The following LDB2 variants were observed in gnomAD, a reference collection of about 807,000 sequenced individuals.
LDB2 encodes the protein LIM domain binding 2, also known as LIM domain-binding protein 2.
A neutral mutation model predicts 44.3 loss-of-function variants in LDB2; 12 were observed. That is an observed-to-expected ratio of 0.27 (90% CI 0.17 to 0.44). The LOEUF is 0.44. Ranked by LOEUF, LDB2 falls within the 20% of genes least tolerant of loss-of-function variation. The pLI is 1.00. For synonymous variants in LDB2, 164 were observed against 174.8 expected, an observed-to-expected ratio of 0.94 and a Z score of 0.49; for missense variants, 344 against 473.5, an observed-to-expected ratio of 0.73 and a Z score of 2.54.
intron 5 of LDB2, among the ~76,000 whole-genome samples, chr4:16,562,016 A>C (rs1260134902): frequency 6.6e-6 from 1 of 152,242 alleles, no homozygotes; most frequent in Non-Finnish European, 1.5e-5. Flanking sequence ...GGCTAGCCAT[A>C]TGTAGAAAGC....
At chr4:16,689,994 C>G (rs989304478) in intron 2 of LDB2, among the ~76,000 whole-genome samples, 1 of 152,172 alleles carries the variant, frequency 6.6e-6, no homozygotes, top group Non-Finnish European at 1.5e-5. Context: ...CAGAAGGAGG[C>G]TTCAGAAAGG....
At chr4:16,539,984 G>A (rs916831130) in intron 5 of LDB2, among the ~76,000 whole-genome samples, 1 of 152,140 alleles carries the variant, frequency 6.6e-6, no homozygotes, top group Non-Finnish European at 1.5e-5. Flanking sequence ...TTAACAGGAA[G>A]CATGACTAGG....
intron 2 of LDB2, among the ~76,000 whole-genome samples, chr4:16,686,428 C>A (rs186583009): frequency 2.6e-5 from 4 of 152,292 alleles, no homozygotes; most frequent in Admixed American, 6.5e-5. Context: ...AAGCAACTTG[C>A]CCAAAGACAA....
intron 1 of LDB2, among the ~76,000 whole-genome samples, chr4:16,788,759 G>A (rs1281716613): frequency 6.6e-6 from 1 of 152,180 alleles, no homozygotes; most frequent in Non-Finnish European, 1.5e-5. Flanking sequence ...GCCTTGCGTC[G>A]AATGACATTA....
At chr4:16,551,607 T>A (rs1737700665) in intron 5 of LDB2, among the ~76,000 whole-genome samples, 1 of 152,174 alleles carries the variant, frequency 6.6e-6, no homozygotes, top group South Asian at 2.1e-4. Flanking sequence ...AACCTCCACC[T>A]TCTGGGTTCA....
chr4:16,583,273 C>A (rs922733071), intron 5 of LDB2, among the ~76,000 whole-genome samples: 1 of 152,222 alleles, frequency 6.6e-6, no homozygotes. Flanking sequence ...ATTTCAATGG[C>A]TGGAGCCTTT....
intron 2 of LDB2, among the ~76,000 whole-genome samples, chr4:16,720,596 A>G (rs1250664912): frequency 1.3e-5 from 2 of 152,148 alleles, no homozygotes; most frequent in African/African-American, 2.4e-5. Context: ...CATCATGGCA[A>G]CCATCAATGT....
At chr4:16,819,431 C>A (rs188569699) in intron 1 of LDB2, among the ~76,000 whole-genome samples, 14 of 145,476 alleles carry the variant, frequency 9.6e-5, no homozygotes, top group African/African-American at 3.6e-4. Flanking sequence ...AAGAAGAACC[C>A]TCCCTGAACC....
chr4:16,808,642 C>T (rs1390943460), intron 1 of LDB2, among the ~76,000 whole-genome samples: 1 of 152,136 alleles, frequency 6.6e-6, no homozygotes, highest in Non-Finnish European at 1.5e-5. Context: ...AGCCGAGGTC[C>T]ATGGATGCCT....
intron 2 of LDB2, among the ~76,000 whole-genome samples, chr4:16,639,000 CT>C (rs1433155913): frequency 6.6e-6 from 1 of 152,114 alleles, no homozygotes; most frequent in Non-Finnish European, 1.5e-5. Context: ...GAAACATTCC[CT>C]GATGTTGCAA....
At chr4:16,721,779 T>C (rs1758342297) in intron 2 of LDB2, among the ~76,000 whole-genome samples, 1 of 152,156 alleles carries the variant, frequency 6.6e-6, no homozygotes. Flanking sequence ...TCGATAGGGT[T>C]GGGCACAGGC....
chr4:16,782,130 G>A lies in LDB2; in HGVS notation c.133-22870C>T, dbSNP rs146923864. Reference sequence around the variant, plus strand: ...ACTGAATTCCATACTATTCCAAACCGCAGGCCAGGTATCATTACCATGTCA... The same window carrying A: ...ACTGAATTCCATACTATTCCAAACCACAGGCCAGGTATCATTACCATGTCA... On this transcript the variant is annotated intron_variant, in intron 1 of 7. Transcript: ENST00000304523. Among the ~76,000 whole-genome samples the A allele has an allele frequency of 3.3e-5, 5 of 152,154 alleles. No individual in the cohort carries two copies. The South Asian group carries it at 6.2e-4, about 19-fold the overall frequency.
intron 2 of LDB2, among the ~76,000 whole-genome samples, chr4:16,612,986 T>C (rs1031423933): frequency 3.3e-5 from 5 of 152,196 alleles, no homozygotes; most frequent in African/African-American, 4.8e-5. Context: ...CAGCAGCACA[T>C]TGAAAACCTT....
chr4:16,551,414 C>T (rs1173760648), intron 5 of LDB2, among the ~76,000 whole-genome samples: 1 of 152,176 alleles, frequency 6.6e-6, no homozygotes, highest in Non-Finnish European at 1.5e-5. Flanking sequence ...AGACAGATTT[C>T]ATAAATTTCT....
At chr4:16,512,250 A>C in intron 5 of LDB2, 146 bp from the exon 6 acceptor site, 2 of 755,548 alleles carry the variant, frequency 2.6e-6, no homozygotes, top group South Asian at 4.6e-5. Flanking sequence ...TGTGAGGAAA[A>C]ATAAATATTA....
intron 2 of LDB2, among the ~76,000 whole-genome samples, chr4:16,702,056 GAA>G (rs1046130376): frequency 1.8e-4 from 28 of 152,132 alleles, no homozygotes; most frequent in Admixed American, 1.3e-3. Flanking sequence ...TCTTAAAAAA[GAA>G]AGAATTTATA....
intron 4 of LDB2, among the ~76,000 whole-genome samples, chr4:16,588,478 T>A (rs528614931): frequency 6.6e-6 from 1 of 152,142 alleles, no homozygotes; most frequent in Non-Finnish European, 1.5e-5. Context: ...GAGTTCAAAA[T>A]AATAAAATAT....
Position 16,719,560 on chromosome 4 carries a change from T to C in LDB2, c.235+39598A>G, listed in dbSNP as rs146654714. On this transcript the variant is annotated intron_variant, in intron 2 of 7. Coordinates refer to ENST00000304523, the MANE Select transcript of LDB2 (RefSeq NM_001290.5). ...GATGCTAAAGTGTCTTAGAATCCTA[T>C]CTTTCTTGTTCCTGGACCACGGTAA... Among the ~76,000 whole-genome samples, 11 of 152,230 alleles carry C rather than the reference T, an allele frequency of 7.2e-5. No homozygotes were observed. The East Asian group carries it at 2.1e-3, about 29-fold the overall frequency.
intron 2 of LDB2, among the ~76,000 whole-genome samples, chr4:16,705,656 C>T (rs984025107): frequency 6.6e-6 from 1 of 152,180 alleles, no homozygotes; most frequent in African/African-American, 2.4e-5. Flanking sequence ...TAATGTTATG[C>T]AGCAATATTG....
Sources: allele counts gnomAD v4.1 joint callset (sites outside exome capture counted in the v4.1 genomes callset), GRCh38; gene constraint gnomAD v4.1.1; transcripts MANE v1.5; gene names NCBI Gene and HGNC (gene_info 2026-07-23, HGNC 2026-07-21).